PLXNB3: variants seen among roughly 807,000 people sequenced by gnomAD.
The protein encoded by PLXNB3 is plexin B3.
Under a neutral mutation model 125.7 loss-of-function variants are expected in PLXNB3, and 80 were observed. That is an observed-to-expected ratio of 0.64 (90% confidence interval 0.53 to 0.77). The LOEUF (loss-of-function observed/expected upper bound fraction) is 0.77, where lower values mean the gene tolerates loss of function less well. Ranked by LOEUF, PLXNB3 falls within the 30% of genes least tolerant of loss-of-function variation. The pLI is 0.00. For missense variants in PLXNB3, 1,836 were observed against 1,729.3 expected (o/e 1.06, Z -1.09); for synonymous variants, 954 against 783.3 (o/e 1.22, Z -3.64).
rs1307468934 is a variant in PLXNB3 at position 153,769,153 on chromosome X, C to A, written c.1396-9C>A. 1.7e-6 allele frequency: 2 copies of A among 1,194,183 alleles called. No homozygotes were observed. Among genetic ancestry groups the A allele is most frequent in the South Asian group, 3.6e-5 (2 of 54,994 alleles). The stretch of plus-strand genomic sequence containing the variant: ...TGCCCATTGCCTCTCTGCTCTGCTG[C>A]CCCTCCAGGTGGACCGGATACCTGT... On this transcript the variant is annotated splice_polypyrimidine_tract_variant and intron_variant, in intron 5 of 35. Coordinates refer to ENST00000361971, the MANE Select transcript of PLXNB3 (RefSeq NM_005393.3).
At chrX:153,769,704 ACCCCACTGCACTCCAGCTGGGCCGGCCT>A in intron 6 of PLXNB3, 75 bp from the exon 7 acceptor site, 3 of 861,347 alleles carry the variant, frequency 3.5e-6, no homozygotes, top group Non-Finnish European at 4.9e-6. Flanking sequence ...TGCTCATTGC[ACCCCACTGCACTCCAGCTGGGCCGGCCT>A]CCCCAGGCCC....
chrX:153,765,904 C>A, intron 2 of PLXNB3: 6 of 754,464 alleles, frequency 8.0e-6, no homozygotes, highest in Non-Finnish European at 9.4e-6. Context: ...CCACCTCTCA[C>A]CCTCGGGGGC....
chrX:153,770,463 G>T lies in PLXNB3; in HGVS notation c.1895+17G>T, dbSNP rs369080139. ...GGCTGCCCCGTGAGTCCCTGGGCCT[G>T]CCTCCTGGGGTAGGGGTGGCGACCC... is the stretch of plus-strand genomic sequence containing the variant. On this transcript the variant is annotated intron_variant, in intron 9 of 35. Transcript: ENST00000361971. The T allele has an allele frequency of 8.8e-5, 106 of 1,199,586 alleles. No homozygotes were observed. The highest frequency in any genetic ancestry group is 4.2e-4 in the Admixed American group (19 of 45,673).
At position 153,770,418 on chromosome X, in the gene PLXNB3, G is replaced by A. The variant is rs375109307; in HGVS notation, c.1867G>A (p.Ala623Thr). The change falls in exon 9 of 36, where the codon GCC becomes ACC. Residue 623 changes from alanine (A) to threonine (T), a missense_variant. Physicochemically the swap from Ala to Thr is moderately conservative, Grantham distance 58. Coordinates refer to ENST00000361971, the MANE Select transcript of PLXNB3 (RefSeq NM_005393.3). Reference protein sequence around the residue: ...ATNFSFYDCSAVQALEAAAPC... With the variant: ...ATNFSFYDCSTVQALEAAAPC... ...CAACTTCTCCTTTTATGACTGCAGT[G>A]CCGTCCAGGCCTTGGAGGCGGCTGC... The A allele has an allele frequency of 9.7e-5, 117 of 1,209,160 alleles. No homozygotes were observed. The highest frequency in any genetic ancestry group is 1.3e-4 in the Non-Finnish European group (116 of 894,350).
chrX:153,766,334 C>T (rs1460898044), intron 2 of PLXNB3: 85 of 1,146,766 alleles, frequency 7.4e-5, no homozygotes, highest in Non-Finnish European at 7.0e-5. Flanking sequence ...GGCAGGTTTT[C>T]TCTCCCTGTC....
intron 31 of PLXNB3, 93 bp from the exon 32 acceptor site, chrX:153,777,855 C>T (rs982571799): frequency 8.1e-6 from 9 of 1,111,129 alleles, no homozygotes; most frequent in Admixed American, 2.7e-5. Flanking sequence ...CGGCCCCTGG[C>T]TCCGAGTGTG....
intron 6 of PLXNB3, among the ~76,000 whole-genome samples, chrX:153,769,582 G>A (rs1557060791): frequency 1.8e-5 from 2 of 112,956 alleles, no homozygotes; most frequent in South Asian, 3.6e-4. Flanking sequence ...GAGTCACTGT[G>A]CGTCCCTCAG....
rs782817054 is a variant in PLXNB3 at position 153,773,074 on chromosome X, G to A, written c.2906+58G>A. The A allele has an allele frequency of 3.6e-6, 4 of 1,111,363 alleles. No individual in the cohort carries two copies. The African/African-American group carries it at 5.5e-5, about 15-fold the overall frequency. The allele number at this position is 1,111,363 out of a possible 1,213,427, so 91.6% of individuals were successfully genotyped here. On this transcript the variant is annotated intron_variant, in intron 17 of 35. Coordinates refer to ENST00000361971, the MANE Select transcript of PLXNB3 (RefSeq NM_005393.3). ...GGCACTCCCATAGGCCTCAGTGGGGGTGGTACATTTAGAGAAGTGGTTGCT... is the reference window on the plus strand; with the variant it reads ...GGCACTCCCATAGGCCTCAGTGGGGATGGTACATTTAGAGAAGTGGTTGCT...
chrX:153,773,000 G>T lies in PLXNB3; in HGVS notation c.2890G>T (p.Gly964Cys). 8.4e-7 allele frequency: 1 copy of T among 1,190,028 alleles called. No individual in the cohort carries two copies. Residue 964 changes from glycine (G) to cysteine (C), a missense_variant, in exon 17 of 36, where the codon GGC becomes TGC. Gly to Cys is a radical substitution (Grantham distance 159). Transcript: ENST00000361971. ...TGGCAACACCAGTGCCTTCGTGGGT[G>T]GCCAACCCTGTCCCATGTGAGTCCC... is the stretch of plus-strand genomic sequence containing the variant. ...TGGNTSAFVGGQPCPILEPVC... is the reference protein window; with the variant it reads ...TGGNTSAFVGCQPCPILEPVC...
At chrX:153,771,741 G>C (rs1379460933) in intron 14 of PLXNB3, 86 bp downstream of exon 14, 18 of 1,121,861 alleles carry the variant, frequency 1.6e-5, no homozygotes, top group Non-Finnish European at 2.1e-5. Context: ...GACCAGCCCT[G>C]CCCCAGGCCC....
chrX:153,772,702 T>C lies in PLXNB3; in HGVS notation c.2776-184T>C, dbSNP rs1557062406. On this transcript the variant is annotated intron_variant, in intron 16 of 35. Coordinates refer to ENST00000361971, the MANE Select transcript of PLXNB3 (RefSeq NM_005393.3). ...ACTTCTACTCCCCATGCGGCAGGGG[T>C]GGGTGGGAGGAAGCTGGCCAGTGTG... 5.2e-6 allele frequency: 5 copies of C among 958,901 alleles called. No homozygotes were observed. The East Asian group carries it at 2.1e-4, about 39-fold the overall frequency. The allele number at this position is 958,901 out of a possible 1,213,427, so 79.0% of individuals were successfully genotyped here. A position where few individuals can be genotyped will look rare whatever the true frequency, so the allele number is the denominator to read the frequency against.
Position 153,770,543 on chromosome X carries a change from G to T in PLXNB3, c.1911G>T (p.Val637=). The T allele has an allele frequency of 8.3e-7, 1 of 1,211,068 alleles. No homozygotes were observed. Among genetic ancestry groups the T allele is most frequent in the Non-Finnish European group, 1.1e-6 (1 of 895,305 alleles). The change falls in exon 10 of 36, where the codon GTG becomes GTT. Residue 637 remains valine, a synonymous_variant. Coordinates refer to ENST00000361971, the MANE Select transcript of PLXNB3 (RefSeq NM_005393.3). ...GCCCCTCTAGGTGTCGCGCTTGCGTGGGCAGCATCTGGCGGTGTCACTGGT... is the reference window on the plus strand; with the variant it reads ...GCCCCTCTAGGTGTCGCGCTTGCGTTGGCAGCATCTGGCGGTGTCACTGGT... ...LEAAAPCRAC[V]GSIWRCHWCP...
rs782464387 is a variant in PLXNB3 at position 153,771,017 on chromosome X, G to C, written c.2189G>C (p.Gly730Ala). Residue 730 changes from glycine (G) to alanine (A), a missense_variant, in exon 12 of 36, where the codon GGA becomes GCA. Coordinates refer to ENST00000361971, the MANE Select transcript of PLXNB3 (RefSeq NM_005393.3). ...CWLELPGELR[G>A]LPATLEETAG... ...CTGGAGCTGCCTGGAGAACTTCGGG[G>C]ACTGCCGGCCACCCTGGAGGAGACA... 1.2e-5 allele frequency: 15 copies of C among 1,210,685 alleles called. No individual in the cohort carries two copies. The highest frequency in any genetic ancestry group is 1.5e-5 in the Non-Finnish European group (13 of 895,499).
rs782041663 is a variant in PLXNB3 at position 153,777,644 on chromosome X, C to G, written c.5217C>G (p.His1739Gln). The part of the protein sequence containing the change: ...FDLLDELAEK[H>Q]GIEDPGTLHI... The stretch of plus-strand genomic sequence containing the variant: ...TTCTGGATGAGCTAGCAGAGAAGCA[C>G]GGCATCGAGGACCCAGGGACCCTGC... Residue 1739 changes from histidine to glutamine, a missense_variant, in exon 31 of 36, where the codon CAC becomes CAG. Physicochemically the swap from His to Gln is conservative, Grantham distance 24 (BLOSUM62 0). Coordinates refer to ENST00000361971, the MANE Select transcript of PLXNB3 (RefSeq NM_005393.3). The G allele has an allele frequency of 8.3e-7, 1 of 1,211,752 alleles. No homozygotes were observed.
rs1557063653 is a variant in PLXNB3, at chrX:153,775,240, G to A, written c.4171G>A (p.Glu1391Lys). The change falls in exon 25 of 36, where the codon GAG becomes AAG. Residue 1391 changes from glutamate (E) to lysine (K), a missense_variant. Physicochemically the swap from Glu to Lys is moderately conservative, Grantham distance 56. Transcript: ENST00000361971. Reference protein sequence around the residue: ...LFLLTLIHTLEEQPSFSQRDR... With the variant: ...LFLLTLIHTLKEQPSFSQRDR... ...CCCTGCTCAGCTCATCCACACCCTG[G>A]AGGAGCAGCCCAGCTTTTCCCAGAG... 2.5e-6 allele frequency: 3 copies of A among 1,188,662 alleles called. No homozygotes were observed. The highest frequency in any genetic ancestry group is 4.7e-5 in the Admixed American group (2 of 42,774).
At position 153,768,314 on chromosome X, in the gene PLXNB3, C is replaced by T. The variant is rs1557060113; in HGVS notation, c.1152C>T (p.Pro384=). 7.5e-6 allele frequency: 9 copies of T among 1,207,979 alleles called. No homozygotes were observed. The highest frequency in any genetic ancestry group is 2.2e-5 in the Admixed American group (1 of 45,992). Residue 384 remains proline, a synonymous_variant, in exon 4 of 36, where the codon CCC becomes CCT. Coordinates refer to ENST00000361971, the MANE Select transcript of PLXNB3 (RefSeq NM_005393.3). ...HTPSPIAGRQ[P]LEVQPLLKLG... ...CCAGCCCCATTGCTGGCCGCCAGCC[C>T]CTGGAGGTCCAGCCTCTGCTGAAGC...
Position 153,778,265 on chromosome X carries a change from C to T in PLXNB3, c.5414C>T (p.Ser1805Phe). ...CCTCCCCTCCCTCCGGAGCAGGATT[C>T]CCCAGTGAACAAACTGCTCTACGCC... Reference protein sequence around the residue: ...TTSEHKVGRDSPVNKLLYARE... With the variant: ...TTSEHKVGRDFPVNKLLYARE... Residue 1805 changes from serine to phenylalanine, a missense_variant, in exon 33 of 36, where the codon TCC becomes TTC. By Grantham distance (155) the Ser-to-Phe change is radical (BLOSUM62 -2). Coordinates refer to ENST00000361971, the MANE Select transcript of PLXNB3 (RefSeq NM_005393.3). 8.4e-7 allele frequency: 1 copy of T among 1,197,387 alleles called. No homozygotes were observed. Among genetic ancestry groups the T allele is most frequent in the Non-Finnish European group, 1.1e-6 (1 of 886,357 alleles).
At chrX:153,765,624 G>A (rs1557058902) in intron 2 of PLXNB3, 44 bp downstream of exon 2, 2 of 1,170,432 alleles carry the variant, frequency 1.7e-6, no homozygotes, top group Admixed American at 2.5e-5. Flanking sequence ...TCCTGGGAGG[G>A]GCAGGGTAGG....
At position 153,771,098 on chromosome X, in the gene PLXNB3, C is replaced by G; in HGVS notation, c.2253+17C>G. ...GCCCACCAGGTGAGTGGCTGCCTTCCAAACCCTCTTGCCCCCAAGCTTCCG... is the reference window on the plus strand; with the variant it reads ...GCCCACCAGGTGAGTGGCTGCCTTCGAAACCCTCTTGCCCCCAAGCTTCCG... On this transcript the variant is annotated intron_variant, in intron 12 of 35. Coordinates refer to ENST00000361971, the MANE Select transcript of PLXNB3 (RefSeq NM_005393.3). 8.6e-7 allele frequency: 1 copy of G among 1,167,408 alleles called. No homozygotes were observed. Among genetic ancestry groups the G allele is most frequent in the East Asian group, 3.0e-5 (1 of 33,637 alleles).
Sources: gnomAD v4.1 joint callset for allele counts (sites outside exome capture counted in the v4.1 genomes callset) on GRCh38, gnomAD v4.1.1 for gene constraint, MANE v1.5 for transcripts, NCBI Gene and HGNC (gene_info 2026-07-23, HGNC 2026-07-21) for gene names.